Variants in FBXO34 observed in about 807,000 individuals in gnomAD.
FBXO34 encodes the protein F-box protein 34.
A neutral mutation model predicts 24.5 loss-of-function variants in FBXO34; 12 were observed. That is an observed-to-expected ratio of 0.49 (90% CI 0.31 to 0.79). The LOEUF is 0.79. Among genes scored for constraint, FBXO34 ranks in the 30% least tolerant of loss-of-function variants. The probability of loss-of-function intolerance (pLI) is 0.04; values close to 1 mark genes in which losing one functional copy is unlikely to be tolerated. For synonymous variants in FBXO34, 320 were observed against 311.9 expected, an observed-to-expected ratio of 1.03 and a Z score of -0.27; for missense variants, 823 against 857.7, an observed-to-expected ratio of 0.96 and a Z score of 0.51.
At chr14:55,320,239 T>C (rs557914240) in intron 1 of FBXO34, among the ~76,000 whole-genome samples, 2 of 152,202 alleles carry the variant, frequency 1.3e-5, no homozygotes, top group East Asian at 3.9e-4. Context: ...TGGGGAGAAT[T>C]ATGATAGGTT....
downstream of FBXO34, among the ~76,000 whole-genome samples, chr14:55,365,165 C>T (rs575755104): frequency 2.0e-5 from 3 of 146,354 alleles, no homozygotes; most frequent in Non-Finnish European, 3.0e-5. Flanking sequence ...GAGCCGAGAT[C>T]GTGCCACTAC....
At chr14:55,296,299 G>GT (rs1336492654) in intron 1 of FBXO34, among the ~76,000 whole-genome samples, 2 of 150,124 alleles carry the variant, frequency 1.3e-5, no homozygotes, top group East Asian at 4.0e-4. Context: ...GAAGGCAAAA[G>GT]TTGTAACTGT....
At chr14:55,416,294 A>T in the FBXO34 span, among the ~76,000 whole-genome samples, 1 of 152,128 alleles carries the variant, frequency 6.6e-6, no homozygotes, top group African/African-American at 2.4e-5. Flanking sequence ...TATAAGCTTA[A>T]TTTTTTAAGA....
chr14:55,402,599 C>T, the FBXO34 span, among the ~76,000 whole-genome samples: 1 of 151,672 alleles, frequency 6.6e-6, no homozygotes, highest in East Asian at 1.9e-4. Context: ...TATGAGTATG[C>T]TTTTATTCTT....
intron 2 of FBXO34, chr14:55,367,014 C>T (rs1163145203): frequency 2.0e-5 from 3 of 152,490 alleles, no homozygotes; most frequent in Non-Finnish European, 4.4e-5. Flanking sequence ...ATCACTTAAC[C>T]CTATGTAAAG....
chr14:55,378,039 A>T, the FBXO34 span: 14 of 1,613,082 alleles, frequency 8.7e-6, no homozygotes, highest in East Asian at 3.1e-4. Context: ...TGCTCGAGTA[A>T]ATTTCTGCTT....
At chr14:55,323,218 A>AAAAAAATAT (rs1566555819) in intron 1 of FBXO34, among the ~76,000 whole-genome samples, 2 of 31,624 alleles carry the variant, frequency 6.3e-5, no homozygotes, top group African/African-American at 4.6e-4. Flanking sequence ...AAAAAAAAAA[A>AAAAAAATAT]ATATATATTT....
At chr14:55,319,504 T>C (rs1265859522) in intron 1 of FBXO34, among the ~76,000 whole-genome samples, 1 of 152,230 alleles carries the variant, frequency 6.6e-6, no homozygotes, top group Non-Finnish European at 1.5e-5. Flanking sequence ...TCAGTTTATA[T>C]GATGACTCTG....
chr14:55,341,849 A>G (rs908647184), intron 1 of FBXO34, among the ~76,000 whole-genome samples: 5 of 152,216 alleles, frequency 3.3e-5, no homozygotes, highest in African/African-American at 1.2e-4. Flanking sequence ...TAAGTTTAAC[A>G]AAATGGAATG....
At position 55,324,894 on chromosome 14, in the gene FBXO34, G is replaced by C. The variant is rs1189227488; in HGVS notation, c.-10-25487G>C. On this transcript the variant is annotated intron_variant, in intron 1 of 1. Coordinates refer to ENST00000313833, the MANE Select transcript of FBXO34 (RefSeq NM_017943.4). ...ACAGTCTGGAGTCTGAGAAGTCTCAGATCAAGGCAGCAGCAGATTTGGAGT... is the reference window on the plus strand; with the variant it reads ...ACAGTCTGGAGTCTGAGAAGTCTCACATCAAGGCAGCAGCAGATTTGGAGT... Among the ~76,000 whole-genome samples the C allele has an allele frequency of 2.0e-5, 3 of 152,204 alleles. No individual in the cohort carries two copies. In the East Asian group the frequency reaches 5.8e-4, roughly 29 times the overall value.
the FBXO34 span, among the ~76,000 whole-genome samples, chr14:55,392,420 GGCA>G: frequency 6.6e-6 from 1 of 152,096 alleles, no homozygotes; most frequent in African/African-American, 2.4e-5. Flanking sequence ...AGCTGAGGCA[GGCA>G]CATCACTTGA....
At chr14:55,438,112 T>A in the FBXO34 span, among the ~76,000 whole-genome samples, 1 of 152,192 alleles carries the variant, frequency 6.6e-6, no homozygotes, top group Non-Finnish European at 1.5e-5. Context: ...GACTCCAGAT[T>A]TTGAGCACTG....
the FBXO34 span, among the ~76,000 whole-genome samples, chr14:55,410,409 T>C: frequency 6.6e-6 from 1 of 152,208 alleles, no homozygotes; most frequent in Non-Finnish European, 1.5e-5. Context: ...TTCCATCTCA[T>C]ACCCCGTATT....
the FBXO34 span, among the ~76,000 whole-genome samples, chr14:55,377,074 C>T: frequency 1.3e-5 from 2 of 152,134 alleles, no homozygotes; most frequent in African/African-American, 2.4e-5. Context: ...TGGCCAGGCA[C>T]GGTGGCTCAA....
At chr14:55,349,109 C>T (rs1056407288) in intron 1 of FBXO34, among the ~76,000 whole-genome samples, 2 of 151,946 alleles carry the variant, frequency 1.3e-5, no homozygotes, top group African/African-American at 4.8e-5. Flanking sequence ...AACACTCTTT[C>T]CTCAATCCAG....
At chr14:55,318,097 C>T (rs1464799909) in intron 1 of FBXO34, 2 of 151,728 alleles carry the variant, frequency 1.3e-5, no homozygotes, top group South Asian at 4.2e-4. Context: ...TTAACTCTTA[C>T]TCATTTATTT....
At chr14:55,406,677 T>C in the FBXO34 span, among the ~76,000 whole-genome samples, 5 of 152,208 alleles carry the variant, frequency 3.3e-5, no homozygotes, top group African/African-American at 1.2e-4. Flanking sequence ...TCTTTCACCT[T>C]ATTAGATACT....
the FBXO34 span, among the ~76,000 whole-genome samples, chr14:55,437,812 C>T: frequency 7.9e-5 from 12 of 152,162 alleles, no homozygotes; most frequent in Non-Finnish European, 1.5e-4. Context: ...TCACTAAAGA[C>T]CCATGGTTAT....
the FBXO34 span, among the ~76,000 whole-genome samples, chr14:55,401,244 C>A: frequency 6.6e-6 from 1 of 151,036 alleles, no homozygotes; most frequent in Non-Finnish European, 1.5e-5. Context: ...TTCCCTATGT[C>A]CTTCATCCAA....
Sources: allele counts gnomAD v4.1 joint callset (sites outside exome capture counted in the v4.1 genomes callset), GRCh38; gene constraint gnomAD v4.1.1; transcripts MANE v1.5; gene names NCBI Gene and HGNC (gene_info 2026-07-23, HGNC 2026-07-21).